The following PIEZO1 variants were observed in gnomAD, a reference collection of about 807,000 sequenced individuals.
PIEZO1 encodes piezo-type mechanosensitive ion channel component 1.
A neutral mutation model predicts 297.2 loss-of-function variants in PIEZO1; 296 were observed. That is an observed-to-expected ratio of 1.00 (90% CI 0.91 to 1.10). PIEZO1 has a LOEUF of 1.10. Among genes scored for constraint, PIEZO1 ranks in the 50% least tolerant of loss-of-function variants. The pLI, the probability that PIEZO1 is intolerant of heterozygous loss-of-function variation, is 0.00. For synonymous variants in PIEZO1, 2,427 were observed against 1,507.5 expected (o/e 1.61, Z -14.13); for missense variants, 5,018 against 3,455.5 (o/e 1.45, Z -11.34).
At chr16:88,720,879 G>C (rs1341538270) in intron 39 of PIEZO1, 131 bp from the exon 40 acceptor site, 2 of 1,118,826 alleles carry the variant, frequency 1.8e-6, no homozygotes, top group African/African-American at 1.6e-5. Flanking sequence ...AAAGCTCCCA[G>C]TGTCACTGGC....
In PIEZO1 at chr16:88,730,123, G is replaced by A. The variant is rs569802456; in HGVS notation, c.3196+1583C>T. On this transcript the variant is annotated intron_variant, in intron 22 of 50. Coordinates refer to ENST00000301015, the MANE Select transcript of PIEZO1 (RefSeq NM_001142864.4). Reference sequence around the variant, plus strand: ...CGAAAGCAGATGTTTCAACAAGGAAGAGCTGGAGGGCCCAGAGGCTGAGGC... The same window carrying A: ...CGAAAGCAGATGTTTCAACAAGGAAAAGCTGGAGGGCCCAGAGGCTGAGGC... Among the ~76,000 whole-genome samples the A allele has an allele frequency of 2.0e-5, 3 of 152,382 alleles. No homozygotes were observed. The East Asian group carries it at 5.8e-4, about 29-fold the overall frequency.
In PIEZO1 at chr16:88,715,629, G is replaced by A. The variant is rs960494512; in HGVS notation, c.7542C>T (p.Ile2514=). The A allele has an allele frequency of 1.5e-5, 23 of 1,549,996 alleles. 1 individual carries two copies. The highest frequency in any genetic ancestry group is 2.0e-5 in the Admixed American group (1 of 50,984). ...CCTACTCCTTCTCACGAGTCCACTTGATCATGGTCTCCGGTGAGCGGTAGA... is the reference window on the plus strand; with the variant it reads ...CCTACTCCTTCTCACGAGTCCACTTAATCATGGTCTCCGGTGAGCGGTAGA... ...IFLYRSPETM[I]KWTREKE is the part of the protein sequence containing the mutation. The change falls in exon 51 of 51, where the codon ATC becomes ATT. Residue 2514 remains isoleucine, a synonymous_variant. Transcript: ENST00000301015.
chr16:88,743,160 C>A (rs1222597391), intron 2 of PIEZO1: 2 of 455,666 alleles, frequency 4.4e-6, no homozygotes, highest in Non-Finnish European at 8.8e-6. Flanking sequence ...ACTCAGCCCC[C>A]CAGCAGGGAG....
At chr16:88,736,881 T>C (rs1249304032) in intron 10 of PIEZO1, 142 bp from the exon 11 acceptor site, 2 of 539,576 alleles carry the variant, frequency 3.7e-6, no homozygotes, top group Non-Finnish European at 6.5e-6. Flanking sequence ...ACACGAGGGC[T>C]CCGGCAATTG....
intron 1 of PIEZO1, among the ~76,000 whole-genome samples, chr16:88,757,910 A>C (rs938609105): frequency 2.6e-5 from 4 of 152,168 alleles, no homozygotes; most frequent in African/African-American, 7.2e-5. Flanking sequence ...TGGGCCAGTT[A>C]TCACAGATTT....
At position 88,723,269 on chromosome 16, in the gene PIEZO1, C is replaced by A. The variant is rs775044738; in HGVS notation, c.4395G>T (p.Glu1465Asp). ...AQAVLRRRQQEQEQARQEQAG... is the reference protein window; with the variant it reads ...AQAVLRRRQQDQEQARQEQAG... Reference sequence around the variant, plus strand: ...CCTGTTCCTGCCTTGCCTGCTCCTGCTCCTGCTGCCGCCGCCTCAGCACCG... The same window carrying A: ...CCTGTTCCTGCCTTGCCTGCTCCTGATCCTGCTGCCGCCGCCTCAGCACCG... The change falls in exon 32 of 51, where the codon GAG (glutamate) becomes GAT (aspartate). Residue 1465 changes from glutamate (E) to aspartate (D), a missense_variant. By Grantham distance (45) the Glu-to-Asp change is conservative. Transcript: ENST00000301015. The A allele has an allele frequency of 3.4e-5, 53 of 1,543,524 alleles. No homozygotes were observed. The highest frequency in any genetic ancestry group is 4.2e-5 in the Non-Finnish European group (48 of 1,146,820).
At chr16:88,738,462 G>T (rs563691847) in intron 6 of PIEZO1, 22 bp from the exon 7 acceptor site, 81 of 1,533,548 alleles carry the variant, frequency 5.3e-5, no homozygotes, top group Non-Finnish European at 8.7e-6. Context: ...GGGCACACAG[G>T]GTGGTACCTG....
chr16:88,721,980 T>C lies in PIEZO1; in HGVS notation c.5042A>G (p.Gln1681Arg). The stretch of plus-strand genomic sequence containing the variant: ...CAGCTCCGAGTGGGCGGCCACACAC[T>C]GGTACACGGCCCGCAGCAGCCGCAG... ...RALRLLRAVY[Q>R]CVAAHSELLC... The change falls in exon 37 of 51, where the codon CAG (glutamine) becomes CGG (arginine). Residue 1681 changes from glutamine (Q) to arginine (R), a missense_variant. Transcript: ENST00000301015. 3.9e-6 allele frequency: 6 copies of C among 1,549,844 alleles called. No homozygotes were observed. The highest frequency in any genetic ancestry group is 5.2e-6 in the Non-Finnish European group (6 of 1,146,770).
Position 88,722,949 on chromosome 16 carries a change from T to C in PIEZO1, c.4556A>G (p.Gln1519Arg). The change falls in exon 34 of 51, where the codon CAG (glutamine) becomes CGG (arginine). Residue 1519 changes from glutamine (Q) to arginine (R), a missense_variant. Coordinates refer to ENST00000301015, the MANE Select transcript of PIEZO1 (RefSeq NM_001142864.4). ...STAQFLWMLG[Q>R]ALVDELTRWL... ...GCGTGTCAGCTCATCCACTAGCGCC[T>C]GCCCCAGCATCCACAGGAACTGCGC... The C allele has an allele frequency of 6.5e-7, 1 of 1,545,318 alleles. No homozygotes were observed. Among genetic ancestry groups the C allele is most frequent in the East Asian group, 2.5e-5 (1 of 40,602 alleles).
chr16:88,757,316 T>C (rs893078983), intron 1 of PIEZO1, among the ~76,000 whole-genome samples: 334 of 3,812 alleles, frequency 0.088, 8 homozygotes, highest in East Asian at 0.24. Flanking sequence ...GGGGCGTTGC[T>C]GGCGGGGGGG....
intron 9 of PIEZO1, 39 bp downstream of exon 9, chr16:88,737,689 G>GC (rs35124960): frequency 5.9e-6 from 9 of 1,531,734 alleles, no homozygotes; most frequent in Non-Finnish European, 7.9e-6. Context: ...CTGGCCGGGC[G>GC]CCCCCCACGC....
chr16:88,731,128 GGA>G (rs1295436676), intron 22 of PIEZO1: 4 of 156,628 alleles, frequency 2.6e-5, no homozygotes, highest in Non-Finnish European at 5.7e-5. Flanking sequence ...GCCTCCCTCC[GGA>G]ACTTCCCAAG....
intron 31 of PIEZO1, 37 bp from the exon 32 acceptor site, chr16:88,723,365 G>C (rs933412048): frequency 6.5e-7 from 1 of 1,535,006 alleles, no homozygotes; most frequent in Non-Finnish European, 8.7e-7. Context: ...CCGGCCTCCC[G>C]AGCCATCAGA....
At chr16:88,757,429 C>T (rs550338189) in intron 1 of PIEZO1, among the ~76,000 whole-genome samples, 2 of 145,222 alleles carry the variant, frequency 1.4e-5, no homozygotes, top group South Asian at 2.2e-4. Context: ...AGAGCAGGGG[C>T]GGGTGGGAAC....
intron 5 of PIEZO1, chr16:88,739,417 C>T (rs139231530): frequency 5.3e-5 from 8 of 152,322 alleles, no homozygotes; most frequent in African/African-American, 1.7e-4. Flanking sequence ...ACACGGCTGT[C>T]GTCAGATGCC....
At position 88,722,689 on chromosome 16, in the gene PIEZO1, C is replaced by G. The variant is rs975090531; in HGVS notation, c.4669G>C (p.Gly1557Arg). The G allele has an allele frequency of 6.5e-7, 1 of 1,536,930 alleles. No individual in the cohort carries two copies. Among genetic ancestry groups the G allele is most frequent in the East Asian group, 2.4e-5 (1 of 40,890 alleles). ...RYLLTQELLQGGEVHRGVLDQ... is the reference protein window; with the variant it reads ...RYLLTQELLQRGEVHRGVLDQ... ...AGCACGCCCCTGTGCACTTCGCCGC[C>G]CTGCAGGGCACAGCAGGGGGCTCAG... Residue 1557 changes from glycine (G) to arginine (R), a missense_variant and splice_region_variant, in exon 35 of 51, where the codon GGC (glycine) becomes CGC (arginine). Physicochemically the swap from Gly to Arg is moderately radical, Grantham distance 125. Transcript: ENST00000301015.
rs1049025824 is a variant in PIEZO1, at chr16:88,720,195, C to A, written c.6038G>T (p.Ser2013Ile). ...GAGGGCGCGGTCAACCACCATGGTACTGAACTGGATCAGCAGCATGACCAG... is the reference window on the plus strand; with the variant it reads ...GAGGGCGCGGTCAACCACCATGGTAATGAACTGGATCAGCAGCATGACCAG... ...AFLVMLLIQF[S>I]TMVVDRALYL... Residue 2013 changes from serine (S) to isoleucine (I), a missense_variant, in exon 42 of 51, where the codon AGT becomes ATT. Ser to Ile is a moderately radical substitution (Grantham distance 142). Transcript: ENST00000301015. The A allele has an allele frequency of 6.4e-7, 1 of 1,550,554 alleles. No individual in the cohort carries two copies. The highest frequency in any genetic ancestry group is 2.4e-5 in the East Asian group (1 of 40,918).
In PIEZO1 at chr16:88,784,894, C is replaced by T. The variant is rs759607463; in HGVS notation, c.64+7G>A. ...CCGTCGCCCCCAGGCGCCCGCCCCC[C>T]ACTCACCAGCCAGCAGCGCGCAGGG... On this transcript the variant is annotated splice_region_variant and intron_variant, in intron 1 of 50. Transcript: ENST00000301015. The T allele has an allele frequency of 2.1e-6, 3 of 1,438,338 alleles. No individual in the cohort carries two copies. Among genetic ancestry groups the T allele is most frequent in the East Asian group, 6.4e-5 (2 of 31,190 alleles). The allele number at this position is 1,438,338 out of a possible 1,614,324, so 89.1% of individuals were successfully genotyped here.
In PIEZO1 at chr16:88,715,739, G is replaced by A. The variant is rs1911958424; in HGVS notation, c.7432C>T (p.Leu2478Phe). 6.5e-7 allele frequency: 1 copy of A among 1,550,384 alleles called. No homozygotes were observed. Among genetic ancestry groups the A allele is most frequent in the Non-Finnish European group, 8.7e-7 (1 of 1,147,008 alleles). ...FEELPCVDRILKLCQDIFLVR... is the reference protein window; with the variant it reads ...FEELPCVDRIFKLCQDIFLVR... ...AGGAAGATGTCCTGGCAGAGCTTGA[G>A]GATGCGGTCCACGCACGGCAGCTCC... The change falls in exon 51 of 51, where the codon CTC (leucine) becomes TTC (phenylalanine). Residue 2478 changes from leucine to phenylalanine, a missense_variant. Transcript: ENST00000301015.
Sources: allele counts gnomAD v4.1 joint callset (sites outside exome capture counted in the v4.1 genomes callset), GRCh38; gene constraint gnomAD v4.1.1; transcripts MANE v1.5; gene names NCBI Gene and HGNC (gene_info 2026-07-23, HGNC 2026-07-21).